The following SNX6 variants were observed in gnomAD, a reference collection of about 807,000 sequenced individuals.
SNX6 encodes sorting nexin 6.
In SNX6, 34 loss-of-function variants were observed where a neutral mutation model predicts 63.0. That is an observed-to-expected ratio of 0.54 (90% CI 0.41 to 0.72). The LOEUF is 0.72. Among genes scored for constraint, SNX6 ranks in the 30% least tolerant of loss-of-function variants. The pLI is 0.00. For synonymous variants in SNX6, 170 were observed against 164.2 expected, an observed-to-expected ratio of 1.04 and a Z score of -0.27; for missense variants, 398 against 471.4, an observed-to-expected ratio of 0.84 and a Z score of 1.44.
chr14:34,603,946 T>C (rs546473143), intron 5 of SNX6, among the ~76,000 whole-genome samples: 1 of 151,762 alleles, frequency 6.6e-6, no homozygotes, highest in African/African-American at 2.4e-5. Flanking sequence ...AGAAACACAC[T>C]ATGAAGAAAC....
intron 7 of SNX6, among the ~76,000 whole-genome samples, chr14:34,596,663 T>C (rs1438364579): frequency 6.8e-6 from 1 of 147,634 alleles, no homozygotes; most frequent in Non-Finnish European, 1.5e-5. Context: ...AAAGCTGAGA[T>C]CCAGAAAAAG....
At chr14:34,575,928 T>C in intron 10 of SNX6, 86 bp from the exon 11 acceptor site, 1 of 765,260 alleles carries the variant, frequency 1.3e-6, no homozygotes, top group African/African-American at 2.1e-5. Flanking sequence ...TGTTGTTTTT[T>C]TGTTTTTTTT....
chr14:34,610,575 G>A (rs926631502), intron 2 of SNX6, among the ~76,000 whole-genome samples: 4 of 152,084 alleles, frequency 2.6e-5, no homozygotes, highest in Admixed American at 2.6e-4. Flanking sequence ...AATGTAAAGT[G>A]CTAAGAAAAA....
chr14:34,578,156 A>T (rs978189786), intron 10 of SNX6, among the ~76,000 whole-genome samples: 1 of 152,074 alleles, frequency 6.6e-6, no homozygotes, highest in Non-Finnish European at 1.5e-5. Context: ...GTGAGCCAAG[A>T]TCGTTCCACT....
intron 9 of SNX6, among the ~76,000 whole-genome samples, chr14:34,582,130 ATTTTTTTT>A (rs1289997311): frequency 1.7e-5 from 2 of 115,404 alleles, no homozygotes; most frequent in Admixed American, 1.9e-4. Context: ...CCCGGCCCTG[ATTTTTTTT>A]TTTTTTTTTT....
intron 3 of SNX6, 96 bp from the exon 4 acceptor site, chr14:34,608,236 C>A: frequency 5.0e-6 from 3 of 597,906 alleles, no homozygotes; most frequent in South Asian, 2.0e-5. Flanking sequence ...GGAGTGCAGT[C>A]GAACAATCTC....
At chr14:34,594,073 A>G (rs1882507268) in intron 7 of SNX6, among the ~76,000 whole-genome samples, 1 of 152,176 alleles carries the variant, frequency 6.6e-6, no homozygotes, top group African/African-American at 2.4e-5. Context: ...TGCCTCTACA[A>G]TTTTGCTCTT....
At chr14:34,576,169 C>T (rs8014673) in intron 10 of SNX6, among the ~76,000 whole-genome samples, 58,401 of 151,556 alleles carry the variant, frequency 0.39, 11,706 homozygotes, top group Non-Finnish European at 0.43. Context: ...TCGTGATCTG[C>T]CCGCCTCAGC....
chr14:34,620,903 C>T (rs1883597463), intron 2 of SNX6, among the ~76,000 whole-genome samples: 1 of 152,056 alleles, frequency 6.6e-6, no homozygotes, highest in Non-Finnish European at 1.5e-5. Flanking sequence ...GATGGTGCCA[C>T]TGCACTCCAA....
intron 11 of SNX6, among the ~76,000 whole-genome samples, chr14:34,573,429 T>C (rs563130935): frequency 4.5e-4 from 68 of 151,844 alleles, no homozygotes; most frequent in Non-Finnish European, 7.2e-4. Flanking sequence ...ACAAAAATTA[T>C]CCAGGCATGG....
At chr14:34,609,338 G>A (rs145518521) in intron 3 of SNX6, among the ~76,000 whole-genome samples, 3,387 of 151,572 alleles carry the variant, frequency 0.022, 135 homozygotes, top group African/African-American at 0.078. Flanking sequence ...AAAATTAGCC[G>A]GACATGGTGG....
At chr14:34,582,653 C>T (rs1566471883) in intron 9 of SNX6, among the ~76,000 whole-genome samples, 1 of 152,150 alleles carries the variant, frequency 6.6e-6, no homozygotes, top group Non-Finnish European at 1.5e-5. Flanking sequence ...TCAAACGATT[C>T]TCCTGCTTCA....
intron 2 of SNX6, among the ~76,000 whole-genome samples, chr14:34,621,598 G>A (rs902348266): frequency 1.3e-5 from 2 of 152,182 alleles, no homozygotes; most frequent in African/African-American, 4.8e-5. Context: ...TTTGGTGGGG[G>A]CAGGTTAGAT....
intron 2 of SNX6, among the ~76,000 whole-genome samples, chr14:34,615,454 T>C (rs1239262925): frequency 1.3e-5 from 2 of 152,162 alleles, no homozygotes; most frequent in Non-Finnish European, 2.9e-5. Flanking sequence ...CCTCCTGGGC[T>C]TAAGTGATTC....
intron 2 of SNX6, among the ~76,000 whole-genome samples, chr14:34,619,334 A>T (rs1883538749): frequency 6.6e-6 from 1 of 152,106 alleles, no homozygotes; most frequent in Non-Finnish European, 1.5e-5. Context: ...AGGCAGAAGG[A>T]TCACTTGAAC....
intron 11 of SNX6, among the ~76,000 whole-genome samples, chr14:34,574,102 C>A (rs1346314718): frequency 6.6e-6 from 1 of 151,642 alleles, no homozygotes; most frequent in Non-Finnish European, 1.5e-5. Flanking sequence ...CTTTGGGAGG[C>A]CGAGGTGGGG....
intron 10 of SNX6, among the ~76,000 whole-genome samples, chr14:34,578,628 C>CAA (rs146062484): frequency 6.5e-4 from 83 of 128,516 alleles, no homozygotes; most frequent in Middle Eastern, 4.6e-3. Context: ...AGATCTGTCT[C>CAA]AAAAAGAAAA....
chr14:34,613,054 A>AT (rs1883291663), intron 2 of SNX6, among the ~76,000 whole-genome samples: 1 of 143,974 alleles, frequency 6.9e-6, no homozygotes, highest in Non-Finnish European at 1.5e-5. Flanking sequence ...AAAAAAAAAA[A>AT]AAAAACTGAC....
In SNX6 at chr14:34,572,680, G is replaced by GT. The variant is rs1324434774; in HGVS notation, c.921+3075dup. Among the ~76,000 whole-genome samples the GT allele has an allele frequency of 5.8e-3, 871 of 148,974 alleles. 2 individuals are homozygous for GT. The highest frequency in any genetic ancestry group is 0.013 in the African/African-American group (538 of 40,640). On this transcript the variant is annotated intron_variant, in intron 11 of 13. Transcript: ENST00000362031. ...CTTTTCAGTTATTTGTGTTTTTTTT[G>GT]TTTTTTTTTGTTTTTTTTGAGATGG...
Sources: gnomAD v4.1 joint callset for allele counts (sites outside exome capture counted in the v4.1 genomes callset) on GRCh38, gnomAD v4.1.1 for gene constraint, MANE v1.5 for transcripts, NCBI Gene and HGNC (gene_info 2026-07-23, HGNC 2026-07-21) for gene names.